The following KSR2 variants were observed in gnomAD, a reference collection of about 807,000 sequenced individuals.
KSR2 encodes the protein kinase suppressor of ras 2.
In KSR2, 25 loss-of-function variants were observed where a neutral mutation model predicts 107.8. That is an observed-to-expected ratio of 0.23 (90% CI 0.17 to 0.32). The LOEUF (loss-of-function observed/expected upper bound fraction) is 0.32. Ranked by LOEUF, KSR2 falls within the 10% of genes least tolerant of loss-of-function variation. KSR2 has a pLI of 1.00. For missense variants in KSR2, 887 were observed against 1,268.9 expected (o/e 0.70, Z 4.57); for synonymous variants, 480 against 507.0 (o/e 0.95, Z 0.71).
At chr12:117,569,012 G>A (rs1200383395) in intron 7 of KSR2, among the ~76,000 whole-genome samples, 2 of 152,070 alleles carry the variant, frequency 1.3e-5, no homozygotes, top group Non-Finnish European at 2.9e-5. Context: ...CAGGAACTTC[G>A]CAGCAGCTGC....
At chr12:117,966,623 GCACACACACACA>G (rs71099095) in intron 1 of KSR2, among the ~76,000 whole-genome samples, 1 of 143,098 alleles carries the variant, frequency 7.0e-6, no homozygotes, top group Non-Finnish European at 1.5e-5. Context: ...ACACGCGCAC[GCACACACACACA>G]CACACACACA....
chr12:117,702,633 A>T (rs1054809175), intron 4 of KSR2, among the ~76,000 whole-genome samples: 2 of 152,200 alleles, frequency 1.3e-5, no homozygotes, highest in Non-Finnish European at 2.9e-5. Flanking sequence ...CGGGACATTG[A>T]CTTACACACT....
intron 1 of KSR2, among the ~76,000 whole-genome samples, chr12:117,924,733 T>C (rs1297941964): frequency 6.6e-6 from 1 of 152,110 alleles, no homozygotes; most frequent in Non-Finnish European, 1.5e-5. Context: ...GAGGTGGAAC[T>C]ATGGAAGTTA....
At position 117,855,758 on chromosome 12, in the gene KSR2, A is replaced by T. The variant is rs114272617; in HGVS notation, c.322-180T>A. ...TAGATAACCTCTGACCAGTCGCTCAACCTCTCTGGGCCTCACTTTGCTCAT... is the reference window on the plus strand; with the variant it reads ...TAGATAACCTCTGACCAGTCGCTCATCCTCTCTGGGCCTCACTTTGCTCAT... On this transcript the variant is annotated intron_variant, in intron 2 of 19. Transcript: ENST00000339824. Among the ~76,000 whole-genome samples, 1,324 of 151,934 alleles carry T rather than the reference A, an allele frequency of 8.7e-3. 21 individuals are homozygous for T. The highest frequency in any genetic ancestry group is 0.03 in the African/African-American group (1,256 of 41,434).
intron 14 of KSR2, among the ~76,000 whole-genome samples, chr12:117,511,071 G>A (rs1389857690): frequency 1.3e-5 from 2 of 152,152 alleles, no homozygotes; most frequent in Non-Finnish European, 1.5e-5. Context: ...CTGAGGCTCA[G>A]ACAGTCTAAG....
rs573131250 is a variant in KSR2 at position 117,476,670 on chromosome 12, G to A, written c.2451-75C>T. On this transcript the variant is annotated intron_variant, in intron 16 of 19. Coordinates refer to ENST00000339824, the MANE Select transcript of KSR2 (RefSeq NM_173598.6). ...CCAGTCCCCCTGGCACTGACCCTAC[G>A]TCCCTGGAGCCATCTCTGCTGCCCT... 160 of 1,446,748 alleles carry A rather than the reference G, an allele frequency of 1.1e-4. 1 individual carries two copies. Among genetic ancestry groups the A allele is most frequent in the Admixed American group, 2.0e-4 (9 of 44,374 alleles). 89.6% of individuals were successfully genotyped at this position (1,446,748 alleles called of 1,614,324 possible).
intron 1 of KSR2, among the ~76,000 whole-genome samples, chr12:117,958,356 G>A (rs185766551): frequency 6.6e-6 from 1 of 152,232 alleles, no homozygotes; most frequent in African/African-American, 2.4e-5. Flanking sequence ...GCTGGTGAAG[G>A]GCAACTTGGC....
intron 14 of KSR2, chr12:117,517,950 T>A (rs535774498): frequency 2.2e-6 from 1 of 445,864 alleles, no homozygotes; most frequent in East Asian, 7.0e-5. Context: ...GGGTTCTCCA[T>A]GCATCTGTCA....
chr12:117,543,231 T>C, intron 9 of KSR2, among the ~76,000 whole-genome samples: 1 of 152,266 alleles, frequency 6.6e-6, no homozygotes, highest in Non-Finnish European at 1.5e-5. Context: ...TGCACCATTT[T>C]ACACCAGCAA....
chr12:117,590,399 G>A (rs1014256004), intron 5 of KSR2, among the ~76,000 whole-genome samples: 2 of 152,112 alleles, frequency 1.3e-5, no homozygotes, highest in Admixed American at 6.5e-5. Context: ...TGCCACTTAC[G>A]AGCTATGGGA....
chr12:117,740,666 A>G (rs1370070414), intron 4 of KSR2, among the ~76,000 whole-genome samples: 1 of 136,562 alleles, frequency 7.3e-6, no homozygotes, highest in Non-Finnish European at 1.6e-5. Flanking sequence ...AATATATAAT[A>G]TATATAATAT....
intron 5 of KSR2, among the ~76,000 whole-genome samples, chr12:117,619,643 A>T (rs980079248): frequency 3.3e-5 from 5 of 151,236 alleles, no homozygotes; most frequent in Admixed American, 2.0e-4. Context: ...TGTATATGTG[A>T]GTGTTGTTAT....
chr12:117,633,333 A>T (rs558065059), intron 5 of KSR2, among the ~76,000 whole-genome samples: 264 of 152,208 alleles, frequency 1.7e-3, no homozygotes, highest in African/African-American at 6.0e-3. Context: ...CTTCATCTTC[A>T]TGTCTCAGCT....
At chr12:117,547,597 T>C (rs1034177931) in intron 9 of KSR2, among the ~76,000 whole-genome samples, 18 of 152,188 alleles carry the variant, frequency 1.2e-4, no homozygotes, top group African/African-American at 4.1e-4. Flanking sequence ...TTTGCTGTTA[T>C]GGGTAGGTAG....
chr12:117,655,942 G>C (rs1345360980), intron 5 of KSR2, among the ~76,000 whole-genome samples: 1 of 152,166 alleles, frequency 6.6e-6, no homozygotes, highest in Non-Finnish European at 1.5e-5. Flanking sequence ...ATCCAGGCAG[G>C]ACTACAAATG....
chr12:117,705,591 G>C (rs1253829933), intron 4 of KSR2, among the ~76,000 whole-genome samples: 1 of 152,202 alleles, frequency 6.6e-6, no homozygotes, highest in East Asian at 1.9e-4. Context: ...TCGAACAGCT[G>C]AATGTGCCTT....
chr12:117,893,796 T>A (rs1292627421), intron 1 of KSR2, among the ~76,000 whole-genome samples: 1 of 152,020 alleles, frequency 6.6e-6, no homozygotes, highest in East Asian at 1.9e-4. Context: ...TCACTTTGGG[T>A]GCAAAATTTA....
At chr12:117,493,670 G>T (rs992306774) in intron 14 of KSR2, among the ~76,000 whole-genome samples, 1 of 152,118 alleles carries the variant, frequency 6.6e-6, no homozygotes, top group Non-Finnish European at 1.5e-5. Context: ...TCCCCCTCCA[G>T]ACTGTAAGCC....
chr12:117,595,823 A>T (rs1371993557), intron 5 of KSR2, among the ~76,000 whole-genome samples: 2 of 152,200 alleles, frequency 1.3e-5, no homozygotes, highest in Admixed American at 6.5e-5. Context: ...AAGTAGCAGC[A>T]GCCTGATTTT....
Sources: allele counts gnomAD v4.1 joint callset (sites outside exome capture counted in the v4.1 genomes callset), GRCh38; gene constraint gnomAD v4.1.1; transcripts MANE v1.5; gene names NCBI Gene and HGNC (gene_info 2026-07-23, HGNC 2026-07-21).